IL1RAPL1: variants seen among roughly 807,000 people sequenced by gnomAD.
The protein encoded by IL1RAPL1 is interleukin-1 receptor accessory protein-like 1.
A neutral mutation model predicts 48.4 loss-of-function variants in IL1RAPL1; 3 were observed. That is an observed-to-expected ratio of 0.06 (90% CI 0.03 to 0.16). The LOEUF (loss-of-function observed/expected upper bound fraction) is 0.16, where lower values mean the gene tolerates loss of function less well. IL1RAPL1 is among the 10% of genes least tolerant of loss of function. The pLI is 1.00. For missense variants in IL1RAPL1, 349 were observed against 530.6 expected, an observed-to-expected ratio of 0.66 and a Z score of 3.36; for synonymous variants, 185 against 187.7, an observed-to-expected ratio of 0.99 and a Z score of 0.12.
At chrX:29,791,188 A>C (rs1929622276) in intron 6 of IL1RAPL1, among the ~76,000 whole-genome samples, 1 of 110,067 alleles carries the variant, frequency 9.1e-6, no homozygotes, top group Non-Finnish European at 1.9e-5. Context: ...CATCTGAATT[A>C]CTTGTTTATT....
chrX:29,340,616 C>G (rs1933060715), intron 3 of IL1RAPL1, among the ~76,000 whole-genome samples: 1 of 111,900 alleles, frequency 8.9e-6, no homozygotes, highest in Non-Finnish European at 1.9e-5. Context: ...GCACTGATGC[C>G]ACCAATGATG....
intron 1 of IL1RAPL1, among the ~76,000 whole-genome samples, chrX:28,717,439 A>G (rs1935517588): frequency 9.0e-6 from 1 of 111,384 alleles, no homozygotes; most frequent in South Asian, 3.8e-4. Flanking sequence ...GTTGGGAGCT[A>G]AATGTTGAGA....
At chrX:29,013,030 A>G (rs773517069) in intron 2 of IL1RAPL1, among the ~76,000 whole-genome samples, 2 of 111,677 alleles carry the variant, frequency 1.8e-5, no homozygotes, top group Non-Finnish European at 3.8e-5. Flanking sequence ...CAGACTTAGC[A>G]CAATCAAAGC....
At chrX:29,625,012 A>G (rs1450896322) in intron 5 of IL1RAPL1, among the ~76,000 whole-genome samples, 2 of 112,047 alleles carry the variant, frequency 1.8e-5, no homozygotes, top group Non-Finnish European at 1.9e-5. Context: ...GGATACACAA[A>G]TTTAGTGCTA....
chrX:29,346,259 G>T (rs1933148773), intron 3 of IL1RAPL1, among the ~76,000 whole-genome samples: 1 of 112,505 alleles, frequency 8.9e-6, no homozygotes, highest in African/African-American at 3.2e-5. Flanking sequence ...CATTTGCCAT[G>T]TAAGGTAAAA....
At chrX:29,441,492 A>G (rs1934547064) in intron 5 of IL1RAPL1, among the ~76,000 whole-genome samples, 1 of 112,174 alleles carries the variant, frequency 8.9e-6, no homozygotes, top group African/African-American at 3.2e-5. Context: ...AGCACTGATG[A>G]ATGAATTAAC....
chrX:29,137,284 A>ACT (rs748480473), intron 2 of IL1RAPL1, among the ~76,000 whole-genome samples: 14 of 101,725 alleles, frequency 1.4e-4, no homozygotes, highest in Non-Finnish European at 2.8e-4. Flanking sequence ...ACACACACAC[A>ACT]CACAGTGGGA....
intron 2 of IL1RAPL1, among the ~76,000 whole-genome samples, chrX:29,133,859 C>G (rs756550802): frequency 1.1e-4 from 12 of 111,593 alleles, no homozygotes; most frequent in African/African-American, 3.9e-4. Context: ...CTCCCAACCC[C>G]TAACCCTTGG....
intron 2 of IL1RAPL1, among the ~76,000 whole-genome samples, chrX:29,246,333 C>G (rs146761223): frequency 0.011 from 1,153 of 109,498 alleles, 22 homozygotes; most frequent in African/African-American, 0.037. Flanking sequence ...GTGGAAAAGT[C>G]TTAGGCCTTT....
chrX:29,530,857 T>A (rs1286111752), intron 5 of IL1RAPL1, among the ~76,000 whole-genome samples: 1 of 112,277 alleles, frequency 8.9e-6, no homozygotes. Context: ...ACTGAATTAT[T>A]ATTTTTTCCA....
At chrX:29,106,261 C>T (rs1053101827) in intron 2 of IL1RAPL1, among the ~76,000 whole-genome samples, 8 of 110,897 alleles carry the variant, frequency 7.2e-5, no homozygotes, top group Non-Finnish European at 1.5e-4. Context: ...TTGGGATAGC[C>T]TCTGGTGTTT....
At chrX:29,711,207 G>A (rs1475052503) in intron 6 of IL1RAPL1, among the ~76,000 whole-genome samples, 1 of 101,201 alleles carries the variant, frequency 9.9e-6, no homozygotes, top group Non-Finnish European at 2.0e-5. Flanking sequence ...TTTTGAGATG[G>A]AGTTTCATTC....
At chrX:29,908,727 A>G (rs1407058011) in intron 6 of IL1RAPL1, among the ~76,000 whole-genome samples, 1 of 112,396 alleles carries the variant, frequency 8.9e-6, no homozygotes, top group Non-Finnish European at 1.9e-5. Context: ...GTAAGTGATT[A>G]CAATATATGT....
chrX:29,014,688 T>C (rs1280876115), intron 2 of IL1RAPL1, among the ~76,000 whole-genome samples: 2 of 112,036 alleles, frequency 1.8e-5, no homozygotes, highest in Admixed American at 9.5e-5. Flanking sequence ...AAGCAACCTT[T>C]GGTAGGATGT....
chrX:29,394,569 T>C, intron 3 of IL1RAPL1, among the ~76,000 whole-genome samples: 1 of 112,464 alleles, frequency 8.9e-6, no homozygotes, highest in Admixed American at 9.4e-5. Flanking sequence ...TCAGGTATCA[T>C]CATTTATGGA....
intron 2 of IL1RAPL1, among the ~76,000 whole-genome samples, chrX:28,856,881 C>T (rs145547791): frequency 4.5e-5 from 5 of 111,975 alleles, no homozygotes; most frequent in African/African-American, 1.3e-4. Flanking sequence ...CACTTTAAAT[C>T]AAAAGCTAGA....
At chrX:29,613,806 C>G (rs780412028) in intron 5 of IL1RAPL1, among the ~76,000 whole-genome samples, 5 of 97,417 alleles carry the variant, frequency 5.1e-5, no homozygotes, top group African/African-American at 1.9e-4. Context: ...CTCTGTTGCC[C>G]AGGCTGGAGT....
In IL1RAPL1 at chrX:29,636,747, A is replaced by G. The variant is rs184380301; in HGVS notation, c.704-31683A>G. 3.6e-5 allele frequency among the ~76,000 whole-genome samples: 4 copies of G among 111,891 alleles called. No individual in the cohort carries two copies. The East Asian group carries it at 1.1e-3, about 31-fold the overall frequency. ...CACATAGTTTATAACAGCAAAAAAA[A>G]TTAGGAACAGGCTGGGCACTGTGGC... On this transcript the variant is annotated intron_variant, in intron 5 of 10. Transcript: ENST00000378993.
At chrX:29,108,554 A>G (rs1928495154) in intron 2 of IL1RAPL1, among the ~76,000 whole-genome samples, 1 of 110,047 alleles carries the variant, frequency 9.1e-6, no homozygotes, top group South Asian at 4.0e-4. Flanking sequence ...GGCATGCGCC[A>G]CCATGCCCGG....
Sources: allele counts gnomAD v4.1 joint callset (sites outside exome capture counted in the v4.1 genomes callset), GRCh38; gene constraint gnomAD v4.1.1; transcripts MANE v1.5; gene names NCBI Gene and HGNC (gene_info 2026-07-23, HGNC 2026-07-21).